ABL1: variants seen among roughly 807,000 people sequenced by gnomAD.
The protein encoded by ABL1 is ABL proto-oncogene 1, non-receptor tyrosine kinase.
Under a neutral mutation model 94.7 loss-of-function variants are expected in ABL1, and 11 were observed. The observed-to-expected ratio is 0.12, with a 90% CI of 0.07 to 0.19. The LOEUF (loss-of-function observed/expected upper bound fraction) is 0.19. Among genes scored for constraint, ABL1 ranks in the 10% least tolerant of loss-of-function variants. The pLI, the probability that ABL1 is intolerant of heterozygous loss-of-function variation, is 1.00. For synonymous variants in ABL1, 656 were observed against 622.4 expected, an observed-to-expected ratio of 1.05 and a Z score of -0.80; for missense variants, 1,082 against 1,489.4, an observed-to-expected ratio of 0.73 and a Z score of 4.50.
rs544684962 is a variant in ABL1, at chr9:130,753,275, G to C, written c.136+38820G>C. On this transcript the variant is annotated intron_variant, in intron 1 of 10. Coordinates refer to the ABL1 transcript ENST00000372348. ...CATCTCAAAAAAAAAGAACACCCTT[G>C]GTAGCTCCTACTTGTGCTGCAGAGG... Among the ~76,000 whole-genome samples, 51 of 151,984 alleles carry C rather than the reference G, an allele frequency of 3.4e-4. 1 individual carries two copies. Among genetic ancestry groups the C allele is most frequent in the African/African-American group, 1.2e-3 (49 of 41,484 alleles).
At chr9:130,870,100 A>G (rs6597645) in intron 4 of ABL1, among the ~76,000 whole-genome samples, 32,144 of 152,260 alleles carry the variant, frequency 0.21, 5,283 homozygotes, top group African/African-American at 0.46. Context: ...GGCATGAGCC[A>G]CCACACTCGG....
intron 4 of ABL1, among the ~76,000 whole-genome samples, chr9:130,870,774 C>T (rs1046613894): frequency 6.6e-5 from 10 of 152,254 alleles, no homozygotes; most frequent in Non-Finnish European, 1.3e-4. Context: ...TTTTAAAGAG[C>T]GATAAATTGT....
rs781302379 is a variant in ABL1, at chr9:130,835,415, G to A, written c.-32G>A. The A allele has an allele frequency of 2.2e-6, 3 of 1,391,402 alleles. No individual in the cohort carries two copies. The highest frequency in any genetic ancestry group is 2.8e-6 in the Non-Finnish European group (3 of 1,065,870). The allele number at this position is 1,391,402 out of a possible 1,614,324, so 86.2% of individuals were successfully genotyped here. A position where few individuals can be genotyped will look rare whatever the true frequency, so the allele number is the denominator to read the frequency against. The stretch of plus-strand genomic sequence containing the variant: ...GGCCCGCGGACCGAGCTGGGAGAGG[G>A]GTTCCGGCCCCCGACGTGCTGGCGC... On this transcript the variant is annotated 5_prime_UTR_variant, in exon 1 of 11. Coordinates refer to ENST00000318560, the MANE Select transcript of ABL1 (RefSeq NM_005157.6). The surrounding 1 kb of genome is among the most constrained non-coding windows in gnomAD (Gnocchi z 4.6).
rs539719835 is a variant in ABL1, at chr9:130,744,610, T to C, written c.136+30155T>C. Among the ~76,000 whole-genome samples the C allele has an allele frequency of 4.7e-5, 7 of 149,304 alleles. No homozygotes were observed. The East Asian group carries it at 1.4e-3, about 31-fold the overall frequency. ...GCTCACGCCTGTAATCCCAGCATTTTGGGGGGCCGAGGCAGGCGGATCACG... is the reference window on the plus strand; with the variant it reads ...GCTCACGCCTGTAATCCCAGCATTTCGGGGGGCCGAGGCAGGCGGATCACG... On this transcript the variant is annotated intron_variant, in intron 1 of 10. Coordinates refer to the ABL1 transcript ENST00000372348.
At chr9:130,879,168 C>T (rs1378615313) in intron 8 of ABL1, among the ~76,000 whole-genome samples, 2 of 152,218 alleles carry the variant, frequency 1.3e-5, no homozygotes, top group East Asian at 3.8e-4. Context: ...TGAGCCACCA[C>T]GCCCAGCTGC....
chr9:130,764,953 C>CAA (rs796266543), intron 1 of ABL1, among the ~76,000 whole-genome samples: 6 of 105,142 alleles, frequency 5.7e-5, no homozygotes, highest in Non-Finnish European at 4.2e-5. Flanking sequence ...AAGACTGTCT[C>CAA]AAAAAAAAAA....
intron 1 of ABL1, among the ~76,000 whole-genome samples, chr9:130,836,659 A>C (rs931189502): frequency 6.6e-6 from 1 of 152,060 alleles, no homozygotes; most frequent in Non-Finnish European, 1.5e-5. Flanking sequence ...CCCTATTTCT[A>C]CTAAAAATAC....
chr9:130,723,808 CT>C (rs996691228), intron 1 of ABL1, among the ~76,000 whole-genome samples: 2 of 151,666 alleles, frequency 1.3e-5, no homozygotes, highest in African/African-American at 4.8e-5. Flanking sequence ...TATTTTTTAA[CT>C]TTTTTTTAAC....
intron 3 of ABL1, among the ~76,000 whole-genome samples, chr9:130,856,091 T>G (rs1279509230): frequency 1.3e-5 from 2 of 152,064 alleles, no homozygotes; most frequent in Admixed American, 6.5e-5. Context: ...GTTTTTTGTT[T>G]GTTTATTTGT....
intron 1 of ABL1, among the ~76,000 whole-genome samples, chr9:130,804,306 G>A (rs1339506714): frequency 8.4e-6 from 1 of 119,156 alleles, no homozygotes; most frequent in Non-Finnish European, 1.7e-5. Context: ...TCGGCAGTGA[G>A]CTCACACCAG....
intron 1 of ABL1, among the ~76,000 whole-genome samples, chr9:130,779,169 G>A (rs1388057707): frequency 2.0e-5 from 3 of 152,246 alleles, no homozygotes; most frequent in Non-Finnish European, 2.9e-5. Context: ...GGTGATCACA[G>A]TCTTTGGCCT....
chr9:130,848,345 GA>G (rs34112720), intron 1 of ABL1, among the ~76,000 whole-genome samples: 16,665 of 69,752 alleles, frequency 0.24, 1,107 homozygotes, highest in African/African-American at 0.33. Flanking sequence ...TACTGAAAAT[GA>G]AAAAAAAAAA....
intron 1 of ABL1, among the ~76,000 whole-genome samples, chr9:130,772,515 A>C (rs1832264961): frequency 2.0e-5 from 3 of 152,228 alleles, no homozygotes; most frequent in African/African-American, 7.2e-5. Flanking sequence ...TTGAGAGGAA[A>C]GAGACATCTC....
At chr9:130,859,938 C>G (rs1173879009) in intron 3 of ABL1, among the ~76,000 whole-genome samples, 1 of 152,062 alleles carries the variant, frequency 6.6e-6, no homozygotes, top group East Asian at 1.9e-4. Flanking sequence ...CTTGGCCTCC[C>G]AAAGTGCTGG....
chr9:130,850,831 A>G (rs576856572), intron 1 of ABL1, among the ~76,000 whole-genome samples: 2 of 152,194 alleles, frequency 1.3e-5, no homozygotes, highest in African/African-American at 4.8e-5. Context: ...TTCAAAGGAC[A>G]GTCTTTGGCC....
intron 1 of ABL1, among the ~76,000 whole-genome samples, chr9:130,716,886 G>A (rs1831449005): frequency 6.6e-6 from 1 of 152,078 alleles, no homozygotes; most frequent in Non-Finnish European, 1.5e-5. Context: ...AAGTAGCTGG[G>A]ATTACAGGTG....
intron 1 of ABL1, among the ~76,000 whole-genome samples, chr9:130,750,235 A>ATC (rs1554759838): frequency 7.1e-4 from 92 of 130,362 alleles, no homozygotes; most frequent in Non-Finnish European, 1.0e-3. Context: ...ATATATATAT[A>ATC]TCCAAGTATA....
At position 130,814,453 on chromosome 9, in the gene ABL1, G is replaced by C. The variant is rs1365875769; in HGVS notation, c.137-39611G>C. Among the ~76,000 whole-genome samples the C allele has an allele frequency of 6.6e-6, 1 of 152,220 alleles. No individual in the cohort carries two copies. The highest frequency in any genetic ancestry group is 1.9e-4 in the East Asian group (1 of 5,204). ...GGGGAAAAAAGGGAAGACAATAACTGTAATATCAGCAGTGAAAGAGATGAC... is the reference window on the plus strand; with the variant it reads ...GGGGAAAAAAGGGAAGACAATAACTCTAATATCAGCAGTGAAAGAGATGAC... On this transcript the variant is annotated intron_variant, in intron 1 of 10. Transcript: ENST00000372348. The surrounding 1 kb of genome is among the most constrained non-coding windows in gnomAD (Gnocchi z 4.4).
At chr9:130,865,774 A>G (rs551226629) in intron 4 of ABL1, among the ~76,000 whole-genome samples, 1 of 151,038 alleles carries the variant, frequency 6.6e-6, no homozygotes, top group East Asian at 1.9e-4. Flanking sequence ...AAAAAGCTGA[A>G]ATCCTTGAGT....
Sources: gnomAD v4.1 joint callset for allele counts (sites outside exome capture counted in the v4.1 genomes callset) on GRCh38, gnomAD v4.1.1 for gene constraint, Gnocchi (gnomAD v3.1) non-coding constraint, MANE v1.5 for transcripts, NCBI Gene and HGNC (gene_info 2026-07-23, HGNC 2026-07-21) for gene names.